Variants in VPS13D observed in about 807,000 individuals in gnomAD.
The protein encoded by VPS13D is intermembrane lipid transfer protein VPS13D.
In VPS13D, 187 loss-of-function variants were observed where a neutral mutation model predicts 461.9. That is an observed-to-expected ratio of 0.40 (90% CI 0.36 to 0.46). The LOEUF (loss-of-function observed/expected upper bound fraction) is 0.46. Ranked by LOEUF, VPS13D falls within the 20% of genes least tolerant of loss-of-function variation. VPS13D has a pLI of 0.60. For synonymous variants in VPS13D, 1,951 were observed against 1,986.3 expected (o/e 0.98, Z 0.47); for missense variants, 4,711 against 5,364.9 (o/e 0.88, Z 3.81).
intron 67 of VPS13D, 123 bp downstream of exon 67, chr1:12,460,519 G>A: frequency 1.1e-6 from 1 of 940,004 alleles, no homozygotes; most frequent in Admixed American, 4.2e-5. Flanking sequence ...TCAAATACTT[G>A]TAACTGAAAT....
At chr1:12,416,611 A>G in intron 64 of VPS13D, 49 bp from the exon 65 acceptor site, 1 of 1,578,906 alleles carries the variant, frequency 6.3e-7, no homozygotes, top group Non-Finnish European at 8.6e-7. Flanking sequence ...GTATCTGCAA[A>G]TATAAGTAGA....
At chr1:12,494,949 G>A (rs1392797456) in intron 67 of VPS13D, among the ~76,000 whole-genome samples, 5 of 152,132 alleles carry the variant, frequency 3.3e-5, no homozygotes, top group Middle Eastern at 3.2e-3. Flanking sequence ...GCACTCACTC[G>A]TTTATTCGGC....
At chr1:12,270,373 C>T (rs781583753) in intron 16 of VPS13D, among the ~76,000 whole-genome samples, 2 of 150,826 alleles carry the variant, frequency 1.3e-5, no homozygotes, top group Non-Finnish European at 3.0e-5. Flanking sequence ...CTCGCTTGAA[C>T]CTGGGAGGCG....
intron 23 of VPS13D, among the ~76,000 whole-genome samples, chr1:12,292,284 AAAG>A (rs1642154691): frequency 6.6e-6 from 1 of 150,578 alleles, no homozygotes; most frequent in Non-Finnish European, 1.5e-5. Context: ...AAAAAAAAAA[AAAG>A]CTTTTCTCAG....
In VPS13D at chr1:12,511,660, T is replaced by C. The variant is rs763262914; in HGVS notation, c.*2636T>C. ...TACCCAGTCCCTTGACCCAGCACAG[T>C]TGGCCGACCCGTGTCACTCCCTGGC... On this transcript the variant is annotated 3_prime_UTR_variant, in exon 70 of 70. Transcript: ENST00000620676. The surrounding 1 kb of genome is among the most constrained non-coding windows in gnomAD (Gnocchi z 4.5). 2 of 152,276 alleles carry C rather than the reference T, an allele frequency of 1.3e-5. No homozygotes were observed. The highest frequency in any genetic ancestry group is 1.9e-4 in the East Asian group (1 of 5,180). 9.4% of individuals were successfully genotyped at this position (152,276 alleles called of 1,614,324 possible).
At chr1:12,496,460 G>T (rs558734576) in intron 67 of VPS13D, among the ~76,000 whole-genome samples, 7 of 152,220 alleles carry the variant, frequency 4.6e-5, no homozygotes, top group Non-Finnish European at 1.0e-4. Flanking sequence ...TTCTGCCCTT[G>T]TAAGTAAATC....
In VPS13D at chr1:12,452,391, C is replaced by T. The variant is rs566870511; in HGVS notation, c.12334-3607C>T. Among the ~76,000 whole-genome samples the T allele has an allele frequency of 1.1e-4, 16 of 152,298 alleles. No homozygotes were observed. The East Asian group carries it at 3.1e-3, about 29-fold the overall frequency. ...GGTATCTCTGCCCTGTTTTGATGAC[C>T]ATCTTCAAAGTCAAGGACCTGGGTA... On this transcript the variant is annotated intron_variant, in intron 65 of 69. Coordinates refer to ENST00000620676, the MANE Select transcript of VPS13D (RefSeq NM_015378.4).
At chr1:12,496,994 G>A (rs1276469586) in intron 67 of VPS13D, 1 of 152,688 alleles carries the variant, frequency 6.5e-6, no homozygotes, top group African/African-American at 2.4e-5. Flanking sequence ...GGGTTGGTGT[G>A]TTCTTACTAA....
intron 26 of VPS13D, among the ~76,000 whole-genome samples, chr1:12,306,992 C>T (rs1642584093): frequency 6.6e-6 from 1 of 152,214 alleles, no homozygotes; most frequent in Non-Finnish European, 1.5e-5. Flanking sequence ...TTTGGGACCC[C>T]TGCCCTGGAG....
At position 12,495,760 on chromosome 1, in the gene VPS13D, T is replaced by C. The variant is rs1301429308; in HGVS notation, c.12663-1740T>C. 1.3e-5 allele frequency among the ~76,000 whole-genome samples: 2 copies of C among 152,230 alleles called. No individual in the cohort carries two copies. The highest frequency in any genetic ancestry group is 1.3e-4 in the Admixed American group (2 of 15,286). ...TTGGAGAGCCTTTGGGCTTCTACCATGTAGCCTGACAGAGAGGTCAGCAGG... is the reference window on the plus strand; with the variant it reads ...TTGGAGAGCCTTTGGGCTTCTACCACGTAGCCTGACAGAGAGGTCAGCAGG... On this transcript the variant is annotated intron_variant, in intron 67 of 69. Transcript: ENST00000620676. The surrounding 1 kb of genome is among the most constrained non-coding windows in gnomAD (Gnocchi z 4.0).
chr1:12,265,350 G>C (rs1191692768), intron 13 of VPS13D, among the ~76,000 whole-genome samples: 2 of 151,916 alleles, frequency 1.3e-5, no homozygotes, highest in Non-Finnish European at 2.9e-5. Context: ...TTTTGGCCAG[G>C]GTGGTCTCAA....
chr1:12,348,405 A>C (rs1643723185), intron 44 of VPS13D, among the ~76,000 whole-genome samples: 1 of 152,154 alleles, frequency 6.6e-6, no homozygotes, highest in Admixed American at 6.5e-5. Context: ...AGCCTTTTTC[A>C]GTTTCGTTGT....
intron 65 of VPS13D, among the ~76,000 whole-genome samples, chr1:12,422,559 T>G (rs79459235): frequency 0.019 from 2,915 of 152,350 alleles, 110 homozygotes; most frequent in Admixed American, 0.1. Flanking sequence ...GACAGAGATC[T>G]AATTTTTTAG....
Position 12,423,325 on chromosome 1 carries a change from A to G in VPS13D, c.12333+6498A>G, listed in dbSNP as rs78040043. 8.9e-3 allele frequency among the ~76,000 whole-genome samples: 1,349 copies of G among 152,250 alleles called. 26 individuals are homozygous for G. Among genetic ancestry groups the G allele is most frequent in the African/African-American group, 0.031 (1,291 of 41,546 alleles). On this transcript the variant is annotated intron_variant, in intron 65 of 69. Coordinates refer to ENST00000620676, the MANE Select transcript of VPS13D (RefSeq NM_015378.4). The stretch of plus-strand genomic sequence containing the variant: ...CATCTCAGTTCTCATTTTTAATTAG[A>G]CTTTTGAGATATCACTTAACTACAA...
chr1:12,306,042 G>A (rs1341538686), intron 26 of VPS13D, among the ~76,000 whole-genome samples: 1 of 151,810 alleles, frequency 6.6e-6, no homozygotes, highest in African/African-American at 2.4e-5. Flanking sequence ...GGAGTGCAGT[G>A]ATGCGATCTT....
intron 62 of VPS13D, among the ~76,000 whole-genome samples, chr1:12,403,232 C>T (rs1484303541): frequency 2.0e-5 from 3 of 152,368 alleles, no homozygotes; most frequent in African/African-American, 7.2e-5. Flanking sequence ...CCATGCTACT[C>T]CTGCTACTCC....
chr1:12,254,885 C>G (rs1332317658), intron 7 of VPS13D, among the ~76,000 whole-genome samples: 2 of 151,670 alleles, frequency 1.3e-5, no homozygotes, highest in Admixed American at 6.6e-5. Flanking sequence ...GGGAAAATAA[C>G]TCATTTTTTT....
intron 8 of VPS13D, 135 bp downstream of exon 8, chr1:12,256,638 G>GTGGATCAACTAAT: frequency 3.1e-6 from 3 of 967,948 alleles, no homozygotes; most frequent in Non-Finnish European, 4.5e-6. Context: ...AGTTGTGTTA[G>GTGGATCAACTAAT]GTATAAAACT....
Position 12,354,003 on chromosome 1 carries a change from A to G in VPS13D, c.9461A>G (p.Tyr3154Cys). 3.7e-6 allele frequency: 6 copies of G among 1,614,184 alleles called. No homozygotes were observed. Among genetic ancestry groups the G allele is most frequent in the Non-Finnish European group, 5.1e-6 (6 of 1,180,022 alleles). Reference protein sequence around the residue: ...RFCVAIKKENYPDYMPSNIFS... With the variant: ...RFCVAIKKENCPDYMPSNIFS... ...TGTGTGGCTATAAAGAAAGAGAATT[A>G]TCCAGATTATATGCCCTCAAACATA... is the stretch of plus-strand genomic sequence containing the variant. The change falls in exon 47 of 70, where the codon TAT becomes TGT. Residue 3154 changes from tyrosine to cysteine, a missense_variant. Tyr to Cys is a radical substitution (Grantham distance 194). Around this residue, in one of 3 missense-constraint regions of VPS13D, gnomAD observed 4,411 missense variants for 4,937.8 expected, o/e 0.89. Transcript: ENST00000620676.
Sources: allele counts gnomAD v4.1 joint callset (sites outside exome capture counted in the v4.1 genomes callset), GRCh38; gene constraint gnomAD v4.1.1; regional missense constraint gnomAD v4.1.1; non-coding constraint Gnocchi (gnomAD v3.1); transcripts MANE v1.5; gene names NCBI Gene and HGNC (gene_info 2026-07-23, HGNC 2026-07-21).